The following CCDC171 variants were observed in gnomAD, a reference collection of about 807,000 sequenced individuals.
CCDC171 encodes the protein coiled-coil domain-containing protein 171.
Under a neutral mutation model 168.2 loss-of-function variants are expected in CCDC171, and 177 were observed. The observed-to-expected ratio is 1.05, with a 90% CI of 0.93 to 1.19. The LOEUF (loss-of-function observed/expected upper bound fraction) is 1.19. Ranked by LOEUF, CCDC171 falls within the 50% of genes most tolerant of loss-of-function variation. The probability of loss-of-function intolerance (pLI) is 0.00; values close to 1 mark genes in which losing one functional copy is unlikely to be tolerated. For synonymous variants in CCDC171, 687 were observed against 540.8 expected, an observed-to-expected ratio of 1.27 and a Z score of -3.75; for missense variants, 1,991 against 1,539.0, an observed-to-expected ratio of 1.29 and a Z score of -4.91.
At chr9:15,620,340 C>G (rs1012959740) in intron 6 of CCDC171, among the ~76,000 whole-genome samples, 1 of 151,888 alleles carries the variant, frequency 6.6e-6, no homozygotes, top group African/African-American at 2.4e-5. Context: ...TGAGGAGGTC[C>G]AAATGTCATC....
chr9:15,643,430 T>TG (rs1449749075), intron 7 of CCDC171, among the ~76,000 whole-genome samples: 1 of 152,208 alleles, frequency 6.6e-6, no homozygotes. Flanking sequence ...CTACAACCTC[T>TG]GGGGGACCCT....
At chr9:15,955,088 G>A (rs1829651803) in intron 25 of CCDC171, among the ~76,000 whole-genome samples, 1 of 152,000 alleles carries the variant, frequency 6.6e-6, no homozygotes, top group African/African-American at 2.4e-5. Context: ...CTTCCCTAGG[G>A]TTTTCTGATT....
rs188456475 is a variant in CCDC171 at position 15,571,285 on chromosome 9, A to T, written c.42-339A>T. ...ATGTATTACATTTGCAGTAAACAAAATGTATTATTTACAAAGAAAAAAAGT... is the reference window on the plus strand; with the variant it reads ...ATGTATTACATTTGCAGTAAACAAATTGTATTATTTACAAAGAAAAAAAGT... On this transcript the variant is annotated intron_variant, in intron 2 of 25. Transcript: ENST00000380701. Among the ~76,000 whole-genome samples the T allele has an allele frequency of 3.2e-3, 492 of 152,304 alleles. 3 individuals are homozygous for T. The highest frequency in any genetic ancestry group is 0.017 in the Middle Eastern group (5 of 294).
At chr9:15,592,510 A>G (rs1362490710) in intron 5 of CCDC171, among the ~76,000 whole-genome samples, 2 of 152,174 alleles carry the variant, frequency 1.3e-5, no homozygotes, top group Admixed American at 1.3e-4. Flanking sequence ...TCATTCCCAG[A>G]TGTTGTCATT....
At chr9:15,946,657 T>C (rs548661599) in intron 25 of CCDC171, among the ~76,000 whole-genome samples, 15 of 152,100 alleles carry the variant, frequency 9.9e-5, no homozygotes, top group Admixed American at 9.8e-4. Flanking sequence ...CTTCACAGAA[T>C]TGGAAAAAAA....
chr9:15,612,804 T>A (rs941259043), intron 6 of CCDC171, among the ~76,000 whole-genome samples: 4 of 152,188 alleles, frequency 2.6e-5, no homozygotes, highest in Non-Finnish European at 4.4e-5. Flanking sequence ...TGATCTTCTA[T>A]TTATAAAAAG....
At chr9:16,082,235 T>G in the CCDC171 span, among the ~76,000 whole-genome samples, 5 of 152,338 alleles carry the variant, frequency 3.3e-5, no homozygotes, top group East Asian at 9.6e-4. Flanking sequence ...CTTTGTAATA[T>G]GTCACATCTC....
chr9:16,019,414 G>C (rs1486844484), intron 3 of CCDC171, among the ~76,000 whole-genome samples: 2 of 152,316 alleles, frequency 1.3e-5, no homozygotes, highest in East Asian at 3.9e-4. Context: ...ATTCCCTGTA[G>C]ATGAGATTTT....
At chr9:15,690,524 G>A (rs1277964729) in intron 10 of CCDC171, among the ~76,000 whole-genome samples, 1 of 151,992 alleles carries the variant, frequency 6.6e-6, no homozygotes. Context: ...ACAAATTTTA[G>A]ATTGATCAAA....
intron 23 of CCDC171, among the ~76,000 whole-genome samples, chr9:15,854,236 T>C (rs2061261099): frequency 6.6e-6 from 1 of 151,482 alleles, no homozygotes; most frequent in African/African-American, 2.4e-5. Flanking sequence ...GCCTGGACTT[T>C]TCTTATCTGG....
intron 10 of CCDC171, among the ~76,000 whole-genome samples, chr9:15,687,072 A>G (rs1470000647): frequency 1.3e-5 from 2 of 152,224 alleles, no homozygotes; most frequent in East Asian, 1.9e-4. Context: ...TCTGACCATA[A>G]TGAAATTAAA....
At chr9:15,736,748 T>C (rs1279168457) in intron 16 of CCDC171, among the ~76,000 whole-genome samples, 1 of 151,908 alleles carries the variant, frequency 6.6e-6, no homozygotes, top group Non-Finnish European at 1.5e-5. Context: ...CAGTCTCGGC[T>C]CACTGCAGCC....
At chr9:15,881,872 C>T (rs1818702153) in intron 24 of CCDC171, among the ~76,000 whole-genome samples, 1 of 152,136 alleles carries the variant, frequency 6.6e-6, no homozygotes, top group Non-Finnish European at 1.5e-5. Flanking sequence ...AGGCTGGTTC[C>T]ACATTTTGGC....
chr9:16,095,884 A>G, the CCDC171 span, among the ~76,000 whole-genome samples: 1 of 146,402 alleles, frequency 6.8e-6, no homozygotes, highest in African/African-American at 2.5e-5. Flanking sequence ...ATATATATAT[A>G]TATATATATA....
chr9:15,595,661 C>T (rs764220160), intron 6 of CCDC171, among the ~76,000 whole-genome samples: 2 of 152,172 alleles, frequency 1.3e-5, no homozygotes. Flanking sequence ...TGGTATATAC[C>T]CAGTAATGGG....
Position 15,903,346 on chromosome 9 carries a change from T to G in CCDC171, c.3601-16924T>G, listed in dbSNP as rs2987048. ...CTCTGAGACAAAACTTCCAGAGGAATGATCAGGCGGCAACCTTTGCTGTTC... is the reference window on the plus strand; with the variant it reads ...CTCTGAGACAAAACTTCCAGAGGAAGGATCAGGCGGCAACCTTTGCTGTTC... On this transcript the variant is annotated intron_variant, in intron 24 of 25. Coordinates refer to ENST00000380701, the MANE Select transcript of CCDC171 (RefSeq NM_173550.4). 3.9e-5 allele frequency among the ~76,000 whole-genome samples: 6 copies of G among 152,080 alleles called. No individual in the cohort carries two copies. The East Asian group carries it at 5.8e-4, about 15-fold the overall frequency.
chr9:15,916,763 A>G (rs1824584367), intron 24 of CCDC171, among the ~76,000 whole-genome samples: 2 of 152,142 alleles, frequency 1.3e-5, no homozygotes, highest in Non-Finnish European at 2.9e-5. Context: ...GTGGAATTTT[A>G]TGTTTGAATT....
chr9:15,841,808 C>T (rs2060692021), intron 21 of CCDC171, among the ~76,000 whole-genome samples: 1 of 151,696 alleles, frequency 6.6e-6, no homozygotes, highest in African/African-American at 2.4e-5. Context: ...CTTGCTTACC[C>T]GGCCCTATTG....
chr9:15,993,169 G>A (rs1261783968), intron 3 of CCDC171, among the ~76,000 whole-genome samples: 1 of 151,774 alleles, frequency 6.6e-6, no homozygotes, highest in Admixed American at 6.6e-5. Flanking sequence ...AAAGCTGGAG[G>A]CATCATGCTA....
Sources: allele counts gnomAD v4.1 joint callset (sites outside exome capture counted in the v4.1 genomes callset), GRCh38; gene constraint gnomAD v4.1.1; transcripts MANE v1.5; gene names NCBI Gene and HGNC (gene_info 2026-07-23, HGNC 2026-07-21).